The following FGF13 variants were observed in gnomAD, a reference collection of about 807,000 sequenced individuals.
The protein encoded by FGF13 is fibroblast growth factor 13.
In FGF13, 2 loss-of-function variants were observed where a neutral mutation model predicts 19.5. The observed-to-expected ratio is 0.10, with a 90% CI of 0.04 to 0.32. The LOEUF (loss-of-function observed/expected upper bound fraction) is 0.32, where lower values mean the gene tolerates loss of function less well. Ranked by LOEUF, FGF13 falls within the 10% of genes least tolerant of loss-of-function variation. The probability of loss-of-function intolerance (pLI) is 1.00; values close to 1 mark genes in which losing one functional copy is unlikely to be tolerated. For synonymous variants in FGF13, 72 were observed against 76.9 expected (o/e 0.94, Z 0.33); for missense variants, 113 against 192.7 (o/e 0.59, Z 2.45).
At chrX:138,858,763 A>T (rs7472683) in intron 2 of FGF13, among the ~76,000 whole-genome samples, 25,218 of 110,649 alleles carry the variant, frequency 0.23, 2,543 homozygotes, top group South Asian at 0.36. Flanking sequence ...TGTAAAAAAA[A>T]AAATAAATAA....
At position 138,778,694 on chromosome X, in the gene FGF13, C is replaced by A. The variant is rs148252494; in HGVS notation, c.218-69766G>T. Among the ~76,000 whole-genome samples, 470 of 112,056 alleles carry A rather than the reference C, an allele frequency of 4.2e-3. 1 individual carries two copies. Among genetic ancestry groups the A allele is most frequent in the African/African-American group, 0.014 (436 of 30,837 alleles). ...CCCACGGAGTCTCGCTGATTGCTAGCACAACACTCTGAGATCAAACAGCAA... is the reference window on the plus strand; with the variant it reads ...CCCACGGAGTCTCGCTGATTGCTAGAACAACACTCTGAGATCAAACAGCAA... On this transcript the variant is annotated intron_variant, in intron 3 of 6. Coordinates refer to the FGF13 transcript ENST00000436198.
At chrX:139,204,562 G>T (rs1440067365), upstream of FGF13, among the ~76,000 whole-genome samples, 2 of 112,860 alleles carry the variant, frequency 1.8e-5, no homozygotes, top group Non-Finnish European at 3.8e-5. Flanking sequence ...GAGTTGCCTG[G>T]GTGGGCTGCC....
At chrX:139,017,168 G>A (rs1295010526) in intron 1 of FGF13, among the ~76,000 whole-genome samples, 5 of 108,647 alleles carry the variant, frequency 4.6e-5, no homozygotes, top group African/African-American at 1.7e-4. Context: ...TGGTTTGTGT[G>A]GAGATGGGGG....
At position 138,632,763 on chromosome X, in the gene FGF13, G is replaced by C; in HGVS notation, c.*87C>G. On this transcript the variant is annotated 3_prime_UTR_variant, in exon 5 of 5. Coordinates refer to ENST00000315930, the MANE Select transcript of FGF13 (RefSeq NM_004114.5). Reference sequence around the variant, plus strand: ...TTTGGTAAATGTCACTGACAAATTTGAACTTTTGGGTGAAGGACTGCTAGA... The same window carrying C: ...TTTGGTAAATGTCACTGACAAATTTCAACTTTTGGGTGAAGGACTGCTAGA... The C allele has an allele frequency of 9.4e-7, 1 of 1,064,357 alleles. No individual in the cohort carries two copies. Among genetic ancestry groups the C allele is most frequent in the Non-Finnish European group, 1.3e-6 (1 of 792,907 alleles). The allele number at this position is 1,064,357 out of a possible 1,213,427, so 87.7% of individuals were successfully genotyped here.
At chrX:138,770,619 G>T (rs1014184252) in intron 3 of FGF13, among the ~76,000 whole-genome samples, 13 of 111,542 alleles carry the variant, frequency 1.2e-4, no homozygotes, top group African/African-American at 3.9e-4. Flanking sequence ...GTTTTTAAAT[G>T]ATTTCTTTGC....
At chrX:138,943,235 C>G (rs747404075) in intron 1 of FGF13, among the ~76,000 whole-genome samples, 25 of 112,201 alleles carry the variant, frequency 2.2e-4, no homozygotes, top group Non-Finnish European at 3.2e-4. Context: ...CTCCCACTGC[C>G]CATGGTCTGT....
intron 3 of FGF13, among the ~76,000 whole-genome samples, chrX:138,778,099 C>T (rs369546240): frequency 7.8e-5 from 8 of 102,740 alleles, no homozygotes; most frequent in East Asian, 3.1e-4. Context: ...CCAGCCTGAG[C>T]GACGCAGAAG....
intron 1 of FGF13, among the ~76,000 whole-genome samples, chrX:138,968,259 G>A (rs1417569827): frequency 4.5e-5 from 5 of 111,999 alleles, no homozygotes; most frequent in African/African-American, 9.7e-5. Context: ...AAACCAAACC[G>A]CAAAGGGAAA....
intron 1 of FGF13, among the ~76,000 whole-genome samples, chrX:139,108,664 A>AT (rs981820952): frequency 1.8e-5 from 2 of 110,151 alleles, no homozygotes; most frequent in African/African-American, 6.6e-5. Context: ...TTATATATAT[A>AT]TTTTTTTTAA....
intron 1 of FGF13, among the ~76,000 whole-genome samples, chrX:139,053,447 T>C (rs1317855843): frequency 9.1e-6 from 1 of 109,531 alleles, no homozygotes; most frequent in Non-Finnish European, 1.9e-5. Context: ...ATGGCCATTC[T>C]TGCAGGAGTA....
chrX:138,982,256 G>A (rs1420302059), intron 1 of FGF13, among the ~76,000 whole-genome samples: 2 of 111,480 alleles, frequency 1.8e-5, no homozygotes, highest in Non-Finnish European at 3.8e-5. Flanking sequence ...AGTTGTGCTT[G>A]GAATATGGTG....
chrX:138,983,414 T>TTA lies in FGF13; in HGVS notation c.-112-118766_-112-118765dup, dbSNP rs377155816. ...CACCCTTATCAAAGATAAGTTGATC[T>TTA]TATATATATATATATATATGAGTTT... is the stretch of plus-strand genomic sequence containing the variant. On this transcript the variant is annotated intron_variant, in intron 1 of 2. Coordinates refer to the FGF13 transcript ENST00000421460. Among the ~76,000 whole-genome samples, 670 of 81,170 alleles carry TTA rather than the reference T, an allele frequency of 8.3e-3. 10 individuals carry two copies. The highest frequency in any genetic ancestry group is 0.025 in the African/African-American group (583 of 23,087). The allele number at this position is 81,170 out of a possible 115,157, so 70.5% of individuals were successfully genotyped here.
chrX:138,627,147 G>A lies in FGF13; in HGVS notation c.*5703C>T, dbSNP rs1343426392. On this transcript the variant is annotated 3_prime_UTR_variant, in exon 5 of 5. Transcript: ENST00000315930. ...TATCTTTTTCTACAAAATTGACACA[G>A]TTTCAATCCATTTATCTTTGTGTGA... is the stretch of plus-strand genomic sequence containing the variant. 2 of 111,568 alleles carry A rather than the reference G, an allele frequency of 1.8e-5. No homozygotes were observed. Among genetic ancestry groups the A allele is most frequent in the Non-Finnish European group, 1.9e-5 (1 of 53,178 alleles). 9.2% of individuals were successfully genotyped at this position (111,568 alleles called of 1,213,427 possible). A position where few individuals can be genotyped will look rare whatever the true frequency, so the allele number is the denominator to read the frequency against.
chrX:138,837,298 C>T (rs191485481), intron 3 of FGF13, among the ~76,000 whole-genome samples: 79 of 111,851 alleles, frequency 7.1e-4, no homozygotes, highest in African/African-American at 2.4e-3. Context: ...GCAAAGATGG[C>T]GGTCTGCCCC....
chrX:138,886,867 T>C (rs1160899314), intron 1 of FGF13, among the ~76,000 whole-genome samples: 1 of 112,072 alleles, frequency 8.9e-6, no homozygotes, highest in Non-Finnish European at 1.9e-5. Context: ...GTAGGAAACC[T>C]GGATTCAATA....
At chrX:139,156,201 T>G (rs2148250948) in intron 1 of FGF13, among the ~76,000 whole-genome samples, 1 of 112,337 alleles carries the variant, frequency 8.9e-6, no homozygotes, top group African/African-American at 3.2e-5. Context: ...CACCCAAAAC[T>G]TCTTTAGATT....
At chrX:139,026,698 C>T (rs1034016770) in intron 1 of FGF13, among the ~76,000 whole-genome samples, 12 of 111,644 alleles carry the variant, frequency 1.1e-4, no homozygotes, top group African/African-American at 3.9e-4. Flanking sequence ...GGTGACAAAC[C>T]AGTAGCAATA....
At chrX:138,877,515 C>G (rs983604373) in intron 1 of FGF13, among the ~76,000 whole-genome samples, 3 of 111,936 alleles carry the variant, frequency 2.7e-5, no homozygotes, top group East Asian at 2.8e-4. Context: ...AATCACCATG[C>G]TATGAAGCCA....
intron 1 of FGF13, among the ~76,000 whole-genome samples, chrX:138,953,596 A>T (rs548308880): frequency 9.0e-6 from 1 of 111,727 alleles, no homozygotes; most frequent in Admixed American, 9.5e-5. Flanking sequence ...AAAAGAAAAC[A>T]TCTGTCTGCA....
Sources: gnomAD v4.1 joint callset for allele counts (sites outside exome capture counted in the v4.1 genomes callset) on GRCh38, gnomAD v4.1.1 for gene constraint, MANE v1.5 for transcripts, NCBI Gene and HGNC (gene_info 2026-07-23, HGNC 2026-07-21) for gene names.